The following PDE8B variants were observed in gnomAD, a reference collection of about 807,000 sequenced individuals.
PDE8B encodes the protein high affinity cAMP-specific and IBMX-insensitive 3',5'-cyclic phosphodiesterase 8B.
A neutral mutation model predicts 101.3 loss-of-function variants in PDE8B; 26 were observed. The ratio of observed to expected loss-of-function variants is 0.26; its 90% CI spans 0.19 to 0.36. The LOEUF (loss-of-function observed/expected upper bound fraction) is 0.36, where lower values mean the gene tolerates loss of function less well. PDE8B is among the 10% of genes least tolerant of loss of function. The probability of loss-of-function intolerance (pLI) is 1.00; values close to 1 mark genes in which losing one functional copy is unlikely to be tolerated. For synonymous variants in PDE8B, 424 were observed against 429.3 expected, an observed-to-expected ratio of 0.99 and a Z score of 0.15; for missense variants, 810 against 1,163.1, an observed-to-expected ratio of 0.70 and a Z score of 4.42.
the PDE8B span, among the ~76,000 whole-genome samples, chr5:77,133,075 G>A: frequency 2.0e-5 from 3 of 152,200 alleles, no homozygotes; most frequent in African/African-American, 7.2e-5. Context: ...CATGTGGTAG[G>A]TTAGATTATT....
At chr5:77,401,663 G>A (rs1054548117) in intron 11 of PDE8B, among the ~76,000 whole-genome samples, 1 of 151,962 alleles carries the variant, frequency 6.6e-6, no homozygotes. Flanking sequence ...AGTAAGTGGA[G>A]CTATTTTTTT....
intron 10 of PDE8B, among the ~76,000 whole-genome samples, chr5:77,380,887 C>T (rs1029642096): frequency 5.9e-5 from 9 of 152,130 alleles, no homozygotes; most frequent in Admixed American, 3.9e-4. Context: ...CCTTGGAAAT[C>T]GTGTTTGAGC....
intron 1 of PDE8B, among the ~76,000 whole-genome samples, chr5:77,275,839 G>A (rs1348731183): frequency 6.6e-6 from 1 of 152,134 alleles, no homozygotes; most frequent in East Asian, 1.9e-4. Context: ...AACCGCATGA[G>A]GTTGGAAAGC....
At chr5:77,112,818 G>T in the PDE8B span, 1 of 152,158 alleles carries the variant, frequency 6.6e-6, no homozygotes, top group African/African-American at 2.4e-5. Flanking sequence ...CTTCAGCAAA[G>T]TCTCAGGATA....
At chr5:77,258,289 CAA>C (rs70988662) in intron 1 of PDE8B, among the ~76,000 whole-genome samples, 7,694 of 88,556 alleles carry the variant, frequency 0.087, 182 homozygotes, top group African/African-American at 0.14. Context: ...GACTCCATCT[CAA>C]AAAAAAAAAA....
chr5:77,212,084 GA>G (rs1420399477), intron 1 of PDE8B, among the ~76,000 whole-genome samples: 1 of 152,258 alleles, frequency 6.6e-6, no homozygotes, highest in African/African-American at 2.4e-5. Flanking sequence ...AAAGACAGAA[GA>G]AAAATAATTA....
chr5:77,242,565 G>A (rs1463025738), intron 1 of PDE8B, among the ~76,000 whole-genome samples: 3 of 152,198 alleles, frequency 2.0e-5, no homozygotes, highest in African/African-American at 7.2e-5. Context: ...TGGAGATCCA[G>A]TTTATTATGG....
At chr5:77,256,729 G>A (rs1287882767) in intron 1 of PDE8B, among the ~76,000 whole-genome samples, 1 of 152,102 alleles carries the variant, frequency 6.6e-6, no homozygotes, top group Non-Finnish European at 1.5e-5. Context: ...ATAATAATGA[G>A]GTACTGCAAA....
chr5:77,109,054 G>C, the PDE8B span, among the ~76,000 whole-genome samples: 1 of 152,152 alleles, frequency 6.6e-6, no homozygotes, highest in Non-Finnish European at 1.5e-5. Context: ...CTGATTATTT[G>C]TCTTCTAGGG....
intron 2 of PDE8B, among the ~76,000 whole-genome samples, chr5:77,316,800 C>T (rs1360575694): frequency 6.6e-6 from 1 of 152,122 alleles, no homozygotes. Flanking sequence ...CATAAGCCTG[C>T]CACCCAGTGC....
chr5:77,379,452 T>C (rs1429401768), intron 10 of PDE8B, among the ~76,000 whole-genome samples: 1 of 152,230 alleles, frequency 6.6e-6, no homozygotes, highest in Non-Finnish European at 1.5e-5. Flanking sequence ...AGGGGAGAGA[T>C]GCTGTTGCAC....
chr5:77,097,707 C>CTATATATATATATATATATATA, the PDE8B span, among the ~76,000 whole-genome samples: 1 of 20,942 alleles, frequency 4.8e-5, no homozygotes, highest in African/African-American at 1.3e-4. Flanking sequence ...ATATATATAT[C>CTATATATATATATATATATATA]TATATATATA....
intron 1 of PDE8B, among the ~76,000 whole-genome samples, chr5:77,262,299 T>A (rs555996930): frequency 5.9e-5 from 9 of 152,312 alleles, no homozygotes; most frequent in African/African-American, 2.2e-4. Flanking sequence ...TTATGCTTCT[T>A]CTGACATGTC....
At chr5:77,115,366 C>G in the PDE8B span, 1 of 152,098 alleles carries the variant, frequency 6.6e-6, no homozygotes, top group South Asian at 2.1e-4. Flanking sequence ...GTGTTATTTT[C>G]TAGAACAGAG....
At chr5:77,377,460 C>CA (rs1408285057) in intron 10 of PDE8B, among the ~76,000 whole-genome samples, 16 of 152,176 alleles carry the variant, frequency 1.1e-4, no homozygotes, top group Admixed American at 1.0e-3. Flanking sequence ...ACAAGCCTTC[C>CA]AGGTGATTCT....
At chr5:77,116,231 T>C in the PDE8B span, among the ~76,000 whole-genome samples, 1 of 104,110 alleles carries the variant, frequency 9.6e-6, no homozygotes, top group African/African-American at 3.8e-5. Flanking sequence ...TATATTTTTT[T>C]TTTTTTTTTT....
At chr5:77,310,234 A>G (rs1218496097) in intron 1 of PDE8B, among the ~76,000 whole-genome samples, 1 of 152,202 alleles carries the variant, frequency 6.6e-6, no homozygotes. Context: ...TACAGGCGAG[A>G]GCCACCGCAT....
intron 1 of PDE8B, among the ~76,000 whole-genome samples, chr5:77,301,816 G>A (rs1297718090): frequency 6.6e-6 from 1 of 152,186 alleles, no homozygotes; most frequent in Admixed American, 6.5e-5. Context: ...AAAGCTTGAT[G>A]CCTTGATTCC....
intron 5 of PDE8B, among the ~76,000 whole-genome samples, chr5:77,334,679 G>A (rs1188851864): frequency 6.6e-6 from 1 of 152,030 alleles, no homozygotes; most frequent in Non-Finnish European, 1.5e-5. Context: ...CTCCATTTTT[G>A]CAGAGGAGGA....
Sources: gnomAD v4.1 joint callset for allele counts (sites outside exome capture counted in the v4.1 genomes callset) on GRCh38, gnomAD v4.1.1 for gene constraint, MANE v1.5 for transcripts, NCBI Gene and HGNC (gene_info 2026-07-23, HGNC 2026-07-21) for gene names.